The following PDE11A variants were observed in gnomAD, a reference collection of about 807,000 sequenced individuals.
The protein encoded by PDE11A is dual 3',5'-cyclic-AMP and -GMP phosphodiesterase 11A.
A neutral mutation model predicts 100.5 loss-of-function variants in PDE11A; 100 were observed. The ratio of observed to expected loss-of-function variants is 1.00; its 90% CI spans 0.85 to 1.18. The LOEUF (loss-of-function observed/expected upper bound fraction) is 1.18. PDE11A is among the 50% of genes most tolerant of loss of function. The probability of loss-of-function intolerance (pLI) is 0.00; values close to 1 mark genes in which losing one functional copy is unlikely to be tolerated. For missense variants in PDE11A, 1,141 were observed against 1,152.6 expected (o/e 0.99, Z 0.15); for synonymous variants, 381 against 420.8 (o/e 0.91, Z 1.16).
At chr2:177,883,098 G>A (rs961089593) in intron 4 of PDE11A, among the ~76,000 whole-genome samples, 7 of 151,720 alleles carry the variant, frequency 4.6e-5, no homozygotes, top group South Asian at 2.1e-4. Context: ...GTGAAACCCC[G>A]TCTCTATTAA....
chr2:178,047,886 T>C (rs1028750810), intron 1 of PDE11A, among the ~76,000 whole-genome samples: 3 of 152,142 alleles, frequency 2.0e-5, no homozygotes, highest in Non-Finnish European at 2.9e-5. Context: ...TTCCCATAGA[T>C]GATGAGTGCA....
chr2:177,872,123 TA>T (rs1413703510), intron 5 of PDE11A, among the ~76,000 whole-genome samples: 2 of 152,192 alleles, frequency 1.3e-5, no homozygotes, highest in East Asian at 3.8e-4. Flanking sequence ...TTTTAATTTT[TA>T]AAAAATCTCT....
chr2:177,875,332 C>A (rs1200719238), intron 5 of PDE11A, among the ~76,000 whole-genome samples: 3 of 152,062 alleles, frequency 2.0e-5, no homozygotes, highest in African/African-American at 7.2e-5. Context: ...GCCCTAAAAA[C>A]TGATTGCAAG....
At chr2:177,877,734 C>T (rs897184266) in intron 4 of PDE11A, among the ~76,000 whole-genome samples, 6 of 152,110 alleles carry the variant, frequency 3.9e-5, no homozygotes, top group South Asian at 2.1e-4. Flanking sequence ...TTTAGATCAA[C>T]GTGCTCAGTA....
At chr2:177,733,526 G>T (rs965934511) in intron 10 of PDE11A, among the ~76,000 whole-genome samples, 1 of 152,112 alleles carries the variant, frequency 6.6e-6, no homozygotes, top group South Asian at 2.1e-4. Context: ...TACAATCCTG[G>T]ATCCCTTGAC....
chr2:178,097,088 G>A (rs1326146363), intron 2 of PDE11A, among the ~76,000 whole-genome samples: 5 of 152,006 alleles, frequency 3.3e-5, no homozygotes, highest in South Asian at 2.1e-4. Flanking sequence ...GGGTTTCACC[G>A]TGTTAGCCAG....
chr2:177,779,884 A>G (rs1187873764), intron 9 of PDE11A, among the ~76,000 whole-genome samples: 3 of 152,220 alleles, frequency 2.0e-5, no homozygotes, highest in African/African-American at 7.2e-5. Flanking sequence ...AAGGTTTTCA[A>G]TTTATTTTAG....
At chr2:178,026,288 T>A (rs776414206) in intron 1 of PDE11A, among the ~76,000 whole-genome samples, 3 of 152,238 alleles carry the variant, frequency 2.0e-5, no homozygotes, top group Non-Finnish European at 2.9e-5. Flanking sequence ...ATATGTTATA[T>A]TTTAATTACA....
At chr2:178,017,336 G>T (rs1221652756) in intron 1 of PDE11A, among the ~76,000 whole-genome samples, 2 of 152,158 alleles carry the variant, frequency 1.3e-5, no homozygotes, top group Non-Finnish European at 2.9e-5. Context: ...AATAAATTAT[G>T]ATCTTGTGGT....
intron 6 of PDE11A, among the ~76,000 whole-genome samples, chr2:177,826,980 C>T (rs1043051218): frequency 6.6e-6 from 1 of 152,312 alleles, no homozygotes; most frequent in Non-Finnish European, 1.5e-5. Context: ...GCAACAGAAG[C>T]ATAACTGATA....
chr2:177,761,247 T>C (rs2082166033), intron 10 of PDE11A, among the ~76,000 whole-genome samples: 1 of 152,144 alleles, frequency 6.6e-6, no homozygotes, highest in South Asian at 2.1e-4. Flanking sequence ...TATTTTCATA[T>C]AGTTTAGGGT....
intron 2 of PDE11A, among the ~76,000 whole-genome samples, chr2:177,912,058 A>C (rs2084888768): frequency 1.3e-5 from 2 of 152,178 alleles, no homozygotes; most frequent in African/African-American, 4.8e-5. Context: ...TGGAGACAGA[A>C]ACAAGGACAA....
chr2:177,740,547 A>G (rs1174303843), intron 10 of PDE11A, among the ~76,000 whole-genome samples: 1 of 152,218 alleles, frequency 6.6e-6, no homozygotes, highest in Non-Finnish European at 1.5e-5. Flanking sequence ...TGAGGTTAAG[A>G]AGATAAGCGA....
intron 10 of PDE11A, among the ~76,000 whole-genome samples, chr2:177,737,869 C>A (rs372772024): frequency 6.6e-6 from 1 of 152,166 alleles, no homozygotes; most frequent in African/African-American, 2.4e-5. Context: ...GCAGTCTTCA[C>A]CACTGTAGGC....
intron 5 of PDE11A, among the ~76,000 whole-genome samples, chr2:177,875,309 G>A (rs2084212733): frequency 6.6e-6 from 1 of 152,080 alleles, no homozygotes; most frequent in East Asian, 1.9e-4. Flanking sequence ...CCTATTACAA[G>A]TACTAAAAGT....
chr2:177,962,312 T>C (rs1447357257), intron 2 of PDE11A, among the ~76,000 whole-genome samples: 2 of 152,104 alleles, frequency 1.3e-5, no homozygotes, highest in Non-Finnish European at 2.9e-5. Context: ...ATTAAATAAA[T>C]ATTTGTTCAG....
chr2:178,071,568 G>A lies in PDE11A; in HGVS notation c.870C>T (p.Val290=), dbSNP rs752359803. The change falls in exon 1 of 20, where the codon GTC becomes GTT. Residue 290 remains valine (V), a synonymous_variant. Transcript: ENST00000286063. ...VPWGKGIIGY[V]GEHGETVNIP... ...TGTTGACCGTTTCTCCATGCTCCCC[G>A]ACATAGCCAATGATACCTTTGCCCC... 43 of 1,612,694 alleles carry A rather than the reference G, an allele frequency of 2.7e-5. No individual in the cohort carries two copies. The Admixed American group carries it at 6.3e-4, about 24-fold the overall frequency.
At chr2:177,700,314 G>T (rs2081177814) in intron 14 of PDE11A, among the ~76,000 whole-genome samples, 1 of 151,486 alleles carries the variant, frequency 6.6e-6, no homozygotes, top group African/African-American at 2.4e-5. Context: ...AGTGAAGCAG[G>T]GCCTTAATGA....
At chr2:177,916,093 A>T (rs2084949556) in intron 2 of PDE11A, among the ~76,000 whole-genome samples, 1 of 152,190 alleles carries the variant, frequency 6.6e-6, no homozygotes, top group South Asian at 2.1e-4. Context: ...GCTTCCATGG[A>T]CTATACACCC....
Sources: allele counts gnomAD v4.1 joint callset (sites outside exome capture counted in the v4.1 genomes callset), GRCh38; gene constraint gnomAD v4.1.1; transcripts MANE v1.5; gene names NCBI Gene and HGNC (gene_info 2026-07-23, HGNC 2026-07-21).